The following SPAG9 variants were observed in gnomAD, a reference collection of about 807,000 sequenced individuals.
The protein encoded by SPAG9 is sperm associated antigen 9, also known as C-Jun-amino-terminal kinase-interacting protein 4.
A neutral mutation model predicts 166.5 loss-of-function variants in SPAG9; 35 were observed. The ratio of observed to expected loss-of-function variants is 0.21; its 90% CI spans 0.16 to 0.28. The LOEUF is 0.28. Among genes scored for constraint, SPAG9 ranks in the 10% least tolerant of loss-of-function variants. The pLI, the probability that SPAG9 is intolerant of heterozygous loss-of-function variation, is 1.00. For missense variants in SPAG9, 1,235 were observed against 1,603.3 expected (o/e 0.77, Z 3.92); for synonymous variants, 534 against 565.5 (o/e 0.94, Z 0.79).
intron 1 of SPAG9, among the ~76,000 whole-genome samples, chr17:51,098,102 G>A (rs2048695504): frequency 6.6e-6 from 1 of 151,950 alleles, no homozygotes. Context: ...GGGATTATAG[G>A]CATGAGCCAC....
Position 50,966,212 on chromosome 17 carries a change from G to A in SPAG9, c.*60C>T, listed in dbSNP as rs1597863338. 3 of 989,880 alleles carry A rather than the reference G, an allele frequency of 3.0e-6. No individual in the cohort carries two copies. Among genetic ancestry groups the A allele is most frequent in the East Asian group, 2.4e-5 (1 of 41,842 alleles). The allele number at this position is 989,880 out of a possible 1,614,324, so 61.3% of individuals were successfully genotyped here. ...CAAAAGAGCATTAAATAAAAGGATA[G>A]AGGGAAAATAAACCATGCAGAAGAG... On this transcript the variant is annotated 3_prime_UTR_variant, in exon 30 of 30. Transcript: ENST00000262013.
At chr17:51,025,700 G>A (rs2046139738) in intron 6 of SPAG9, among the ~76,000 whole-genome samples, 1 of 152,096 alleles carries the variant, frequency 6.6e-6, no homozygotes, top group Non-Finnish European at 1.5e-5. Context: ...AGATCAGCCT[G>A]GGAAACCTGG....
In SPAG9 at chr17:50,989,728, T is replaced by G; in HGVS notation, c.2762A>C (p.Asp921Ala). ...TTCTGGGATCTGAACTCCCAAAGGA[T>G]CTGTAAAGACATGCTCTGTGTAGAC... Reference protein sequence around the residue: ...TGVYTEHVFTDPLGVQIPEDL... With the variant: ...TGVYTEHVFTAPLGVQIPEDL... Residue 921 changes from aspartate (D) to alanine (A), a missense_variant, in exon 21 of 30, where the codon GAT becomes GCT. Physicochemically the swap from Asp to Ala is moderately radical, Grantham distance 126. Coordinates refer to ENST00000262013, the MANE Select transcript of SPAG9 (RefSeq NM_001130528.3). The G allele has an allele frequency of 6.2e-7, 1 of 1,614,204 alleles. No individual in the cohort carries two copies. Among genetic ancestry groups the G allele is most frequent in the Non-Finnish European group, 8.5e-7 (1 of 1,180,034 alleles).
intron 4 of SPAG9, among the ~76,000 whole-genome samples, chr17:51,042,860 G>T (rs1430935213): frequency 6.6e-6 from 1 of 152,134 alleles, no homozygotes; most frequent in African/African-American, 2.4e-5. Flanking sequence ...TTGATTTAGG[G>T]GGAAAATTCA....
At chr17:51,113,932 T>C (rs1238758168) in intron 1 of SPAG9, among the ~76,000 whole-genome samples, 7 of 152,018 alleles carry the variant, frequency 4.6e-5, no homozygotes, top group Non-Finnish European at 8.8e-5. Flanking sequence ...GAGGCAGAGG[T>C]TGCAGTCAGC....
intron 24 of SPAG9, among the ~76,000 whole-genome samples, chr17:50,983,166 T>C (rs891865214): frequency 6.6e-6 from 1 of 152,220 alleles, no homozygotes; most frequent in Non-Finnish European, 1.5e-5. Context: ...TTTGCTTTGT[T>C]AGCTTTTGTG....
intron 9 of SPAG9, among the ~76,000 whole-genome samples, chr17:51,012,722 C>CTTTTATTTA (rs2045539387): frequency 6.9e-6 from 1 of 145,738 alleles, no homozygotes; most frequent in Admixed American, 6.9e-5. Context: ...TTACTAGATA[C>CTTTTATTTA]TTTATTTATT....
At position 51,070,141 on chromosome 17, in the gene SPAG9, TA is replaced by T. The variant is rs372513141; in HGVS notation, c.424+9442del. ...AGCCACCAAATTAAGAAGTACTCACTAAAAAAAAAATATCACTGTCATCTAA... is the reference window on the plus strand; with the variant it reads ...AGCCACCAAATTAAGAAGTACTCACTAAAAAAAAATATCACTGTCATCTAA... On this transcript the variant is annotated intron_variant, in intron 2 of 29. Transcript: ENST00000262013. Among the ~76,000 whole-genome samples, 1,162 of 146,390 alleles carry T rather than the reference TA, an allele frequency of 7.9e-3. 20 individuals carry two copies. The highest frequency in any genetic ancestry group is 0.027 in the African/African-American group (1,089 of 40,174).
chr17:51,065,869 T>C (rs2047648318), intron 2 of SPAG9, among the ~76,000 whole-genome samples: 1 of 152,054 alleles, frequency 6.6e-6, no homozygotes, highest in South Asian at 2.1e-4. Flanking sequence ...AAGACAAACT[T>C]AGAAGCTATA....
intron 21 of SPAG9, 67 bp from the exon 22 acceptor site, chr17:50,987,304 T>G: frequency 1.5e-6 from 2 of 1,354,038 alleles, no homozygotes; most frequent in Non-Finnish European, 2.0e-6. Flanking sequence ...TTTCAGGGAC[T>G]GAATCCTTCT....
intron 29 of SPAG9, among the ~76,000 whole-genome samples, chr17:50,967,685 T>C (rs1368145525): frequency 6.6e-6 from 1 of 152,258 alleles, no homozygotes; most frequent in Admixed American, 6.5e-5. Flanking sequence ...AAAATTATCC[T>C]GTCTGCTAGG....
chr17:50,995,388 A>G, intron 17 of SPAG9, 56 bp downstream of exon 17: 2 of 1,467,622 alleles, frequency 1.4e-6, no homozygotes, highest in East Asian at 2.3e-5. Context: ...TTGGTTTTAG[A>G]AAAAAAACTA....
chr17:51,078,481 T>C (rs1034914346), intron 2 of SPAG9, among the ~76,000 whole-genome samples: 31 of 152,136 alleles, frequency 2.0e-4, no homozygotes, highest in Non-Finnish European at 1.3e-4. Flanking sequence ...CCTTCATGAG[T>C]AATGTGGATA....
intron 4 of SPAG9, among the ~76,000 whole-genome samples, chr17:51,044,841 C>T (rs192245721): frequency 6.6e-6 from 1 of 152,226 alleles, no homozygotes; most frequent in Non-Finnish European, 1.5e-5. Flanking sequence ...ACAATTTAAT[C>T]TTAATATCAA....
chr17:50,987,880 T>C (rs904435818), intron 21 of SPAG9, among the ~76,000 whole-genome samples: 2 of 152,228 alleles, frequency 1.3e-5, no homozygotes, highest in Non-Finnish European at 2.9e-5. Flanking sequence ...TAGTAAAAGA[T>C]ATATAACCAG....
At chr17:51,024,835 A>G (rs894692544) in intron 6 of SPAG9, among the ~76,000 whole-genome samples, 1 of 152,022 alleles carries the variant, frequency 6.6e-6, no homozygotes, top group Admixed American at 6.6e-5. Context: ...ATCACATAAA[A>G]CAATAATAAT....
chr17:50,995,530 T>C lies in SPAG9; in HGVS notation c.1972A>G (p.Thr658Ala), dbSNP rs764436680. Reference protein sequence around the residue: ...WSLPQKYKQVTNGQGENKMKN... With the variant: ...WSLPQKYKQVANGQGENKMKN... The stretch of plus-strand genomic sequence containing the variant: ...ATCTTATTTTCACCTTGACCATTGG[T>C]TACCTAATAATGGTGGAAGGAGGAG... The change falls in exon 17 of 30, where the codon ACC becomes GCC. Residue 658 changes from threonine to alanine, a missense_variant. This residue lies in a region of SPAG9 where 493 missense variants were observed against 559.4 expected (regional missense o/e 0.88). Coordinates refer to ENST00000262013, the MANE Select transcript of SPAG9 (RefSeq NM_001130528.3). 21 of 1,599,680 alleles carry C rather than the reference T, an allele frequency of 1.3e-5. No homozygotes were observed. The highest frequency in any genetic ancestry group is 1.8e-5 in the Non-Finnish European group (21 of 1,167,084).
intron 1 of SPAG9, among the ~76,000 whole-genome samples, chr17:51,107,929 A>AG (rs1175288046): frequency 2.0e-5 from 3 of 150,710 alleles, no homozygotes; most frequent in African/African-American, 7.3e-5. Context: ...AAAAAAAGGG[A>AG]GGGGGGCAGT....
At chr17:51,021,970 A>G (rs2045955673) in intron 6 of SPAG9, among the ~76,000 whole-genome samples, 1 of 152,042 alleles carries the variant, frequency 6.6e-6, no homozygotes, top group Non-Finnish European at 1.5e-5. Flanking sequence ...TAAAAATACA[A>G]AAAGTAGCCA....
Sources: allele counts gnomAD v4.1 joint callset (sites outside exome capture counted in the v4.1 genomes callset), GRCh38; gene constraint gnomAD v4.1.1; regional missense constraint gnomAD v4.1.1; transcripts MANE v1.5; gene names NCBI Gene and HGNC (gene_info 2026-07-23, HGNC 2026-07-21).